Variants in FAP observed in about 807,000 individuals in gnomAD.
FAP encodes the protein fibroblast activation protein alpha, also known as prolyl endopeptidase FAP.
In FAP, 110 loss-of-function variants were observed where a neutral mutation model predicts 126.5. That is an observed-to-expected ratio of 0.87 (90% CI 0.74 to 1.02). The LOEUF (loss-of-function observed/expected upper bound fraction) is 1.02. FAP is among the 50% of genes least tolerant of loss of function. The probability of loss-of-function intolerance (pLI) is 0.00; values close to 1 mark genes in which losing one functional copy is unlikely to be tolerated. For missense variants in FAP, 919 were observed against 909.2 expected (o/e 1.01, Z -0.14); for synonymous variants, 334 against 297.3 (o/e 1.12, Z -1.27).
At chr2:162,181,114 C>T (rs974850701) in intron 21 of FAP, among the ~76,000 whole-genome samples, 2 of 151,074 alleles carry the variant, frequency 1.3e-5, no homozygotes, top group African/African-American at 2.4e-5. Flanking sequence ...GTCTCAAAAA[C>T]GAAAAAAGGA....
chr2:162,237,973 T>C (rs1276309920), intron 2 of FAP, among the ~76,000 whole-genome samples: 2 of 152,170 alleles, frequency 1.3e-5, no homozygotes, highest in Non-Finnish European at 2.9e-5. Flanking sequence ...TTTTCATAAG[T>C]TTGTTGGTTG....
At chr2:162,191,979 C>T (rs1456565930) in intron 17 of FAP, among the ~76,000 whole-genome samples, 2 of 152,100 alleles carry the variant, frequency 1.3e-5, no homozygotes, top group African/African-American at 2.4e-5. Flanking sequence ...ATCCATTTAC[C>T]TGTCTCTGAT....
intron 6 of FAP, 105 bp from the exon 7 acceptor site, chr2:162,220,030 T>C (rs1328008745): frequency 1.4e-5 from 11 of 781,022 alleles, no homozygotes; most frequent in Non-Finnish European, 2.4e-5. Flanking sequence ...AAATTAAGGA[T>C]CATTCCCTCT....
rs137945561 is a variant in FAP, at chr2:162,220,181, G to T, written c.414-256C>A. On this transcript the variant is annotated intron_variant, in intron 6 of 25. Transcript: ENST00000188790. ...TCTGACCTTTATAGTGAGGTGAATGGATTAAATACTTACAGACTGTCAAAG... is the reference window on the plus strand; with the variant it reads ...TCTGACCTTTATAGTGAGGTGAATGTATTAAATACTTACAGACTGTCAAAG... 5.9e-5 allele frequency among the ~76,000 whole-genome samples: 9 copies of T among 152,294 alleles called. No individual in the cohort carries two copies. In the East Asian group the frequency reaches 1.7e-3, roughly 29 times the overall value.
chr2:162,217,064 T>TA (rs1489296147), intron 9 of FAP, among the ~76,000 whole-genome samples: 2 of 152,228 alleles, frequency 1.3e-5, no homozygotes, highest in Non-Finnish European at 2.9e-5. Context: ...TTAGAGTTTT[T>TA]ACACAGCTTT....
Position 162,170,731 on chromosome 2 carries a change from G to A in FAP, c.*248C>T, listed in dbSNP as rs1687275315. 2.4e-6 allele frequency: 1 copy of A among 420,404 alleles called. No homozygotes were observed. The highest frequency in any genetic ancestry group is 3.9e-5 in the Admixed American group (1 of 25,446). 26.0% of individuals were successfully genotyped at this position (420,404 alleles called of 1,614,324 possible). On this transcript the variant is annotated 3_prime_UTR_variant, in exon 26 of 26. Coordinates refer to ENST00000188790, the MANE Select transcript of FAP (RefSeq NM_004460.5). ...ATTATTTTTCTTCAAATGAACAGGTGATAAAACACTGTGTCCAAAGCAAAA... is the reference window on the plus strand; with the variant it reads ...ATTATTTTTCTTCAAATGAACAGGTAATAAAACACTGTGTCCAAAGCAAAA...
Position 162,243,279 on chromosome 2 carries a change from C to T in FAP, c.6+43G>A, listed in dbSNP as rs752983236. ...AAACTCTGATCACGTTCAATCCAGCCAACCCTAATTTTTTAAGAATACTTG... is the reference window on the plus strand; with the variant it reads ...AAACTCTGATCACGTTCAATCCAGCTAACCCTAATTTTTTAAGAATACTTG... On this transcript the variant is annotated intron_variant, in intron 1 of 25. Coordinates refer to ENST00000188790, the MANE Select transcript of FAP (RefSeq NM_004460.5). The T allele has an allele frequency of 2.1e-6, 3 of 1,451,802 alleles. No individual in the cohort carries two copies. In the African/African-American group the frequency reaches 4.2e-5, roughly 21 times the overall value. 89.9% of individuals were successfully genotyped at this position (1,451,802 alleles called of 1,614,324 possible).
chr2:162,198,939 G>A, intron 15 of FAP, 58 bp from the exon 16 acceptor site: 2 of 1,474,832 alleles, frequency 1.4e-6, no homozygotes, highest in Non-Finnish European at 1.9e-6. Flanking sequence ...TTATCAAAAT[G>A]TACTACTCCA....
chr2:162,226,439 G>T, intron 3 of FAP, 84 bp downstream of exon 3: 1 of 623,448 alleles, frequency 1.6e-6, no homozygotes, highest in Non-Finnish European at 2.8e-6. Flanking sequence ...TACGGCTTCA[G>T]TTACTATAGA....
intron 4 of FAP, 50 bp downstream of exon 4, chr2:162,225,433 T>C (rs1689597056): frequency 1.3e-6 from 2 of 1,569,760 alleles, no homozygotes; most frequent in African/African-American, 1.4e-5. Context: ...TCTTGGTCAA[T>C]GAAGAGTGGG....
intron 2 of FAP, among the ~76,000 whole-genome samples, chr2:162,230,764 G>A (rs183276531): frequency 7.0e-6 from 1 of 142,006 alleles, no homozygotes; most frequent in South Asian, 2.2e-4. Context: ...CAAATCTCTG[G>A]GGGGTGGGGT....
chr2:162,182,961 G>A (rs1477559323), intron 21 of FAP, among the ~76,000 whole-genome samples: 3 of 152,102 alleles, frequency 2.0e-5, no homozygotes, highest in Non-Finnish European at 4.4e-5. Flanking sequence ...CAAATAAAAA[G>A]AAACAAAATT....
At chr2:162,242,589 T>C (rs578165334) in intron 2 of FAP, among the ~76,000 whole-genome samples, 115 of 152,176 alleles carry the variant, frequency 7.6e-4, no homozygotes, top group Non-Finnish European at 1.3e-3. Context: ...CAATGTTAGT[T>C]AAAAATGTTG....
In FAP at chr2:162,172,526, T is replaced by G. The variant is rs940486171; in HGVS notation, c.2181+285A>C. ...AAGCATATAATTGCACTTATTCACA[T>G]AGGATTTCAGAACTACTGGATGTTT... On this transcript the variant is annotated intron_variant, in intron 25 of 25. Coordinates refer to ENST00000188790, the MANE Select transcript of FAP (RefSeq NM_004460.5). 8 of 327,064 alleles carry G rather than the reference T, an allele frequency of 2.4e-5. No homozygotes were observed. In the East Asian group the frequency reaches 4.4e-4, roughly 18 times the overall value. 20.3% of individuals were successfully genotyped at this position (327,064 alleles called of 1,614,324 possible). A position where few individuals can be genotyped will look rare whatever the true frequency, so the allele number is the denominator to read the frequency against.
chr2:162,207,469 C>G (rs1477682316), intron 12 of FAP, among the ~76,000 whole-genome samples: 1 of 152,142 alleles, frequency 6.6e-6, no homozygotes, highest in African/African-American at 2.4e-5. Flanking sequence ...GGCACAAAAT[C>G]ACATGTCCCA....
intron 13 of FAP, 37 bp from the exon 14 acceptor site, chr2:162,202,979 G>A: frequency 1.2e-6 from 2 of 1,603,086 alleles, no homozygotes; most frequent in Non-Finnish European, 8.5e-7. Context: ...GTGAAACTGA[G>A]CGTTATTTGA....
At chr2:162,194,596 G>T in intron 17 of FAP, 105 bp downstream of exon 17, 1 of 944,176 alleles carries the variant, frequency 1.1e-6, no homozygotes, top group Non-Finnish European at 1.7e-6. Flanking sequence ...TTCCATCGCA[G>T]TTCCCCTTGG....
intron 2 of FAP, among the ~76,000 whole-genome samples, chr2:162,240,759 G>A (rs368131403): frequency 2.0e-5 from 3 of 152,326 alleles, no homozygotes; most frequent in African/African-American, 7.2e-5. Flanking sequence ...GTGAGAAAGA[G>A]GCTAAGTAGG....
chr2:162,173,156 T>G lies in FAP; in HGVS notation c.2100A>C (p.Thr700=). Residue 700 remains threonine, a synonymous_variant, in exon 24 of 26, where the codon ACA becomes ACC. Transcript: ENST00000188790. ...GTCTTGCTTAAACCTCACCATCTGC[T>G]GTTCCGTGGATGAGAAGATAGTCTA... ...RNVDYLLIHG[T]ADDNVHFQNS... The G allele has an allele frequency of 6.2e-7, 1 of 1,612,628 alleles. No individual in the cohort carries two copies. The highest frequency in any genetic ancestry group is 1.1e-5 in the South Asian group (1 of 91,042).
Sources: gnomAD v4.1 joint callset for allele counts (sites outside exome capture counted in the v4.1 genomes callset) on GRCh38, gnomAD v4.1.1 for gene constraint, MANE v1.5 for transcripts, NCBI Gene and HGNC (gene_info 2026-07-23, HGNC 2026-07-21) for gene names.